TRIM28: variants seen among roughly 807,000 people sequenced by gnomAD.
TRIM28 encodes the protein tripartite motif containing 28, also known as transcription intermediary factor 1-beta.
TRIM28 carries 8 observed loss-of-function variants against 87.4 expected under a neutral mutation model. The observed-to-expected ratio is 0.09, with a 90% CI of 0.05 to 0.17. The LOEUF (loss-of-function observed/expected upper bound fraction) is 0.17, where lower values mean the gene tolerates loss of function less well. TRIM28 is among the 10% of genes least tolerant of loss of function. The pLI is 1.00. For synonymous variants in TRIM28, 601 were observed against 454.3 expected (o/e 1.32, Z -4.11); for missense variants, 968 against 1,131.8 (o/e 0.86, Z 2.08).
rs756779339 is a variant in TRIM28, at chr19:58,549,093, C to T, written c.1515C>T (p.Val505=). Residue 505 remains valine, a synonymous_variant, in exon 12 of 17, where the codon GTC becomes GTT. Coordinates refer to ENST00000253024, the MANE Select transcript of TRIM28 (RefSeq NM_005762.3). This position sits in a 1 kb window ranked among gnomAD's most constrained non-coding sequence, Gnocchi z 4.4. Reference sequence around the variant, plus strand: ...TCACAGCTGACAGCCAGCCACCCGTCTTCAAGGTCTTCCCAGGCAGTACCA... The same window carrying T: ...TCACAGCTGACAGCCAGCCACCCGTTTTCAAGGTCTTCCCAGGCAGTACCA... ...LDLTADSQPP[V]FKVFPGSTTE... 20 of 1,614,148 alleles carry T rather than the reference C, an allele frequency of 1.2e-5. No homozygotes were observed. In the South Asian group the frequency reaches 2.1e-4, roughly 17 times the overall value.
Position 58,549,796 on chromosome 19 carries a change from G to T in TRIM28, c.2042G>T (p.Ser681Ile). ...VLPDLKEEDG[S>I]LSLDGADSTG... ...CCTGACCTGAAGGAGGAGGATGGCAGCCTCAGCCTGGATGGTGCAGACAGC... is the reference window on the plus strand; with the variant it reads ...CCTGACCTGAAGGAGGAGGATGGCATCCTCAGCCTGGATGGTGCAGACAGC... The change falls in exon 14 of 17, where the codon AGC becomes ATC. Residue 681 changes from serine (S) to isoleucine (I), a missense_variant. Ser to Ile is a moderately radical substitution (Grantham distance 142). Around this residue, in one of 11 missense-constraint regions of TRIM28, gnomAD observed 192 missense variants for 225.6 expected, o/e 0.85. Transcript: ENST00000253024. This position sits in a 1 kb window ranked among gnomAD's most constrained non-coding sequence, Gnocchi z 4.4. 6.2e-7 allele frequency: 1 copy of T among 1,612,778 alleles called. No homozygotes were observed. The highest frequency in any genetic ancestry group is 8.5e-7 in the Non-Finnish European group (1 of 1,178,944).
chr19:58,548,764 G>A lies in TRIM28; in HGVS notation c.1348G>A (p.Gly450Ser), dbSNP rs1040624772. ...GCCCATGGAGGTGCAGGAAGGCTAT[G>A]GCTTTGGGTCAGGTGAGTGGGTCTG... Reference protein sequence around the residue: ...SQPMEVQEGYGFGSGDDPYSS... With the variant: ...SQPMEVQEGYSFGSGDDPYSS... Residue 450 changes from glycine to serine, a missense_variant, in exon 10 of 17, where the codon GGC (glycine) becomes AGC (serine). This residue lies in a region of TRIM28 where 119 missense variants were observed against 93.6 expected (regional missense o/e 1.27). Coordinates refer to ENST00000253024, the MANE Select transcript of TRIM28 (RefSeq NM_005762.3). The A allele has an allele frequency of 6.2e-7, 1 of 1,614,120 alleles. No homozygotes were observed. Among genetic ancestry groups the A allele is most frequent in the African/African-American group, 1.3e-5 (1 of 75,040 alleles).
intron 3 of TRIM28, among the ~76,000 whole-genome samples, chr19:58,546,236 G>C (rs2053760056): frequency 6.6e-6 from 1 of 152,178 alleles, no homozygotes; most frequent in South Asian, 2.1e-4. Context: ...AGGGCTTTCT[G>C]GGTTTGTGGT....
intron 3 of TRIM28, among the ~76,000 whole-genome samples, chr19:58,546,547 G>GGTGGTGGCTGT (rs1206926469): frequency 6.6e-6 from 1 of 152,206 alleles, no homozygotes; most frequent in African/African-American, 2.4e-5. Flanking sequence ...ATAGCGGGAA[G>GGTGGTGGCTGT]GTGGTGGCTG....
At position 58,548,259 on chromosome 19, in the gene TRIM28, G is replaced by T. The variant is rs188077654; in HGVS notation, c.1102-35G>T. On this transcript the variant is annotated intron_variant, in intron 7 of 16. Transcript: ENST00000253024. The stretch of plus-strand genomic sequence containing the variant: ...CCTCAAATCCCTATTTGTTGTTGGT[G>T]TGCTCATTCTTTCCTCCCTTTCACT... 17 of 1,613,932 alleles carry T rather than the reference G, an allele frequency of 1.1e-5. No homozygotes were observed. In the African/African-American group the frequency reaches 2.1e-4, roughly 20 times the overall value.
intron 1 of TRIM28, 135 bp from the exon 2 acceptor site, chr19:58,545,290 G>A: frequency 2.2e-6 from 2 of 926,014 alleles, no homozygotes; most frequent in Non-Finnish European, 3.3e-6. Context: ...TAAAGTTGGA[G>A]AAAAGAAGGC....
rs563188062 is a variant in TRIM28 at position 58,548,018 on chromosome 19, C to A, written c.955-16C>A. ...TTCTGCCTTCTCTGCTTACCTCATA[C>A]ACCTTCTATCTGCAGAAGGTGACTG... On this transcript the variant is annotated splice_polypyrimidine_tract_variant and intron_variant, in intron 6 of 16. Coordinates refer to ENST00000253024, the MANE Select transcript of TRIM28 (RefSeq NM_005762.3). 1.2e-6 allele frequency: 2 copies of A among 1,614,094 alleles called. No homozygotes were observed. Among genetic ancestry groups the A allele is most frequent in the African/African-American group, 2.7e-5 (2 of 75,034 alleles).
In TRIM28 at chr19:58,548,024, C is replaced by T. The variant is rs745375590; in HGVS notation, c.955-10C>T. The T allele has an allele frequency of 1.2e-5, 19 of 1,614,012 alleles. No homozygotes were observed. The highest frequency in any genetic ancestry group is 1.6e-4 in the Middle Eastern group (1 of 6,084). Reference sequence around the variant, plus strand: ...CTTCTCTGCTTACCTCATACACCTTCTATCTGCAGAAGGTGACTGAGGGGC... The same window carrying T: ...CTTCTCTGCTTACCTCATACACCTTTTATCTGCAGAAGGTGACTGAGGGGC... On this transcript the variant is annotated splice_polypyrimidine_tract_variant and intron_variant, in intron 6 of 16. Transcript: ENST00000253024.
chr19:58,545,674 C>A, intron 2 of TRIM28, 90 bp from the exon 3 acceptor site: 1 of 1,556,390 alleles, frequency 6.4e-7, no homozygotes, highest in Non-Finnish European at 8.8e-7. Flanking sequence ...GTCAAGGGAC[C>A]AATCTTAAAT....
Position 58,544,723 on chromosome 19 carries a change from C to T in TRIM28, c.-35C>T, listed in dbSNP as rs1044045572. 10 of 994,406 alleles carry T rather than the reference C, an allele frequency of 1.0e-5. No homozygotes were observed. The highest frequency in any genetic ancestry group is 1.2e-5 in the Non-Finnish European group (10 of 827,406). 61.6% of individuals were successfully genotyped at this position (994,406 alleles called of 1,614,324 possible). A position where few individuals can be genotyped will look rare whatever the true frequency, so the allele number is the denominator to read the frequency against. ...CGCCTGCGCGGCGGGCCCCGCGCCC[C>T]TCCTCCCCCCCTGGGCGCCCCCGGC... On this transcript the variant is annotated 5_prime_UTR_variant, in exon 1 of 17. Transcript: ENST00000253024.
At position 58,550,653 on chromosome 19, in the gene TRIM28, C is replaced by T; in HGVS notation, c.*100C>T. 2 of 1,216,424 alleles carry T rather than the reference C, an allele frequency of 1.6e-6. No homozygotes were observed. Among genetic ancestry groups the T allele is most frequent in the Non-Finnish European group, 2.3e-6 (2 of 883,110 alleles). The allele number at this position is 1,216,424 out of a possible 1,614,324, so 75.4% of individuals were successfully genotyped here. A position where few individuals can be genotyped will look rare whatever the true frequency, so the allele number is the denominator to read the frequency against. On this transcript the variant is annotated 3_prime_UTR_variant, in exon 17 of 17. Coordinates refer to ENST00000253024, the MANE Select transcript of TRIM28 (RefSeq NM_005762.3). ...CCTGACTCCCACTCCCTGGTGGCCC[C>T]ATCCCCCAGTTCCTCACGATATGGT...
intron 6 of TRIM28, 63 bp from the exon 7 acceptor site, chr19:58,547,971 G>T: frequency 1.2e-6 from 2 of 1,613,264 alleles, no homozygotes; most frequent in Non-Finnish European, 1.7e-6. Flanking sequence ...GCTGTCTGGG[G>T]TGAGGAGTGA....
chr19:58,547,995 C>T (rs767635586), intron 6 of TRIM28, 39 bp from the exon 7 acceptor site: 7 of 1,613,288 alleles, frequency 4.3e-6, no homozygotes, highest in Admixed American at 1.7e-5. Flanking sequence ...TAGTATTCTT[C>T]TGCCTTCTCT....
chr19:58,547,988 T>G, intron 6 of TRIM28, 46 bp from the exon 7 acceptor site: 1 of 1,613,082 alleles, frequency 6.2e-7, no homozygotes, highest in Middle Eastern at 1.6e-4. Flanking sequence ...GTGATCCTAG[T>G]ATTCTTCTGC....
intron 3 of TRIM28, among the ~76,000 whole-genome samples, chr19:58,546,180 G>A (rs2053759658): frequency 1.3e-5 from 2 of 152,274 alleles, no homozygotes; most frequent in South Asian, 2.1e-4. Flanking sequence ...GTCAGACCTG[G>A]TGGTGAAGGG....
At chr19:58,545,191 A>G in intron 1 of TRIM28, 94 bp downstream of exon 1, 15 of 1,208,944 alleles carry the variant, frequency 1.2e-5, no homozygotes, top group Admixed American at 3.2e-5. Flanking sequence ...GGGCGAGAGG[A>G]TGGGGGCCCG....
rs2053736903 is a variant in TRIM28 at position 58,544,231 on chromosome 19, G to A, written c.-527G>A. 1 of 152,484 alleles carries A rather than the reference G, an allele frequency of 6.6e-6. No homozygotes were observed. The highest frequency in any genetic ancestry group is 1.5e-5 in the Non-Finnish European group (1 of 68,122). The allele number at this position is 152,484 out of a possible 1,614,324, so 9.4% of individuals were successfully genotyped here. ...ATAAAGGTTCGCATACCCCACTGGCGGATTCAATTGCGGCAGTGACGTCAC... is the reference window on the plus strand; with the variant it reads ...ATAAAGGTTCGCATACCCCACTGGCAGATTCAATTGCGGCAGTGACGTCAC... On this transcript the variant is annotated 5_prime_UTR_variant, in exon 1 of 17. Coordinates refer to ENST00000253024, the MANE Select transcript of TRIM28 (RefSeq NM_005762.3).
In TRIM28 at chr19:58,544,977, C is replaced by A. The variant is rs2053747421; in HGVS notation, c.220C>A (p.Pro74Thr). 6.6e-7 allele frequency: 1 copy of A among 1,515,620 alleles called. No homozygotes were observed. 93.9% of individuals were successfully genotyped at this position (1,515,620 alleles called of 1,614,324 possible). A position where few individuals can be genotyped will look rare whatever the true frequency, so the allele number is the denominator to read the frequency against. Reference sequence around the variant, plus strand: ...CGGCGTGTGCAGAGAGCGCCTGCGACCCGAGAGGGAGCCCCGCCTGCTGCC... The same window carrying A: ...CGGCGTGTGCAGAGAGCGCCTGCGAACCGAGAGGGAGCCCCGCCTGCTGCC... Reference protein sequence around the residue: ...HCGVCRERLRPEREPRLLPCL... With the variant: ...HCGVCRERLRTEREPRLLPCL... The change falls in exon 1 of 17, where the codon CCC becomes ACC. Residue 74 changes from proline (P) to threonine (T), a missense_variant. Pro to Thr is a conservative substitution (Grantham distance 38, BLOSUM62 -1). Transcript: ENST00000253024.
At position 58,545,047 on chromosome 19, in the gene TRIM28, C is replaced by G. The variant is rs1433319808; in HGVS notation, c.290C>G (p.Pro97Arg). 1.4e-6 allele frequency: 2 copies of G among 1,459,186 alleles called. No individual in the cohort carries two copies. The highest frequency in any genetic ancestry group is 5.4e-5 in the East Asian group (2 of 37,372). The allele number at this position is 1,459,186 out of a possible 1,614,324, so 90.4% of individuals were successfully genotyped here. ...AGTGCCTGCTTAGGGCCCGCGGCCC[C>G]CGCCGCCGCCAACAGCTCGGGGGAC... ...ACSACLGPAA[P>R]AAANSSGDGG... is the part of the protein sequence containing the mutation. The change falls in exon 1 of 17, where the codon CCC (proline) becomes CGC (arginine). Residue 97 changes from proline to arginine, a missense_variant. Physicochemically the swap from Pro to Arg is moderately radical, Grantham distance 103. Coordinates refer to ENST00000253024, the MANE Select transcript of TRIM28 (RefSeq NM_005762.3).
Sources: gnomAD v4.1 joint callset for allele counts (sites outside exome capture counted in the v4.1 genomes callset) on GRCh38, gnomAD v4.1.1 for gene constraint, gnomAD v4.1.1 regional missense constraint, Gnocchi (gnomAD v3.1) non-coding constraint, MANE v1.5 for transcripts, NCBI Gene and HGNC (gene_info 2026-07-23, HGNC 2026-07-21) for gene names.